The following DNAJC11 variants were observed in gnomAD, a reference collection of about 807,000 sequenced individuals.
The protein encoded by DNAJC11 is DnaJ heat shock protein family (Hsp40) member C11.
In DNAJC11, 15 loss-of-function variants were observed where a neutral mutation model predicts 78.6. The observed-to-expected ratio is 0.19, with a 90% CI of 0.13 to 0.29. DNAJC11 has a LOEUF of 0.29. Among genes scored for constraint, DNAJC11 ranks in the 10% least tolerant of loss-of-function variants. The pLI is 1.00. For synonymous variants in DNAJC11, 292 were observed against 272.1 expected (o/e 1.07, Z -0.72); for missense variants, 547 against 709.6 (o/e 0.77, Z 2.60).
intron 1 of DNAJC11, among the ~76,000 whole-genome samples, chr1:6,694,499 T>A (rs1642801023): frequency 6.6e-6 from 1 of 152,098 alleles, no homozygotes; most frequent in Non-Finnish European, 1.5e-5. Context: ...CAGCAGGACA[T>A]CGTGCCCCTT....
chr1:6,638,340 G>A lies in DNAJC11; in HGVS notation c.1278C>T (p.Ser426=), dbSNP rs200987537. Residue 426 remains serine (S), a synonymous_variant, in exon 12 of 16, where the codon AGC becomes AGT. Transcript: ENST00000377577. ...KEKELEKQRE[S]AATDVLQKKQ... The stretch of plus-strand genomic sequence containing the variant: ...TCTTCTGCAGCACATCGGTGGCGGC[G>A]CTTTCCCTCTGCTTCTCCAATTCCC... The A allele has an allele frequency of 5.0e-5, 81 of 1,613,364 alleles. No homozygotes were observed. Among genetic ancestry groups the A allele is most frequent in the Admixed American group, 1.2e-4 (7 of 59,982 alleles).
In DNAJC11 at chr1:6,681,030, G is replaced by A; in HGVS notation, c.80C>T (p.Ser27Phe). 3 of 1,608,876 alleles carry A rather than the reference G, an allele frequency of 1.9e-6. No homozygotes were observed. The highest frequency in any genetic ancestry group is 2.5e-6 in the Non-Finnish European group (3 of 1,177,556). Residue 27 changes from serine to phenylalanine, a missense_variant, in exon 2 of 16, where the codon TCT (serine) becomes TTT (phenylalanine). Physicochemically the swap from Ser to Phe is radical, Grantham distance 155 (BLOSUM62 -2). Transcript: ENST00000377577. ...CCGGTAGGCAGCTTTCAGCTCTTCA[G>A]AAGAGGCCTAAAGAAAGAAAAATTC... ...SLLNVRREAS[S>F]EELKAAYRRL... is the part of the protein sequence containing the mutation.
intron 10 of DNAJC11, 75 bp downstream of exon 10, chr1:6,644,483 C>G (rs1641936008): frequency 9.1e-7 from 1 of 1,098,632 alleles, no homozygotes; most frequent in Admixed American, 1.7e-5. Context: ...GCTATTTCAG[C>G]CTTAACTTGG....
chr1:6,697,258 T>C (rs1031705139), intron 1 of DNAJC11, among the ~76,000 whole-genome samples: 1 of 152,184 alleles, frequency 6.6e-6, no homozygotes. Context: ...TCATGTGTCT[T>C]GTCATAGGAG....
chr1:6,667,956 G>C (rs1047045062), intron 3 of DNAJC11, 146 bp from the exon 4 acceptor site: 3 of 725,434 alleles, frequency 4.1e-6, no homozygotes, highest in Non-Finnish European at 7.2e-6. Flanking sequence ...CCCAAACCAT[G>C]AGTTCCACCA....
chr1:6,654,749 C>G (rs1218541033), intron 4 of DNAJC11, among the ~76,000 whole-genome samples: 2 of 151,554 alleles, frequency 1.3e-5, no homozygotes, highest in Non-Finnish European at 2.9e-5. Context: ...CTTTTTGCAG[C>G]CCATTGAAAC....
chr1:6,700,727 A>G (rs1352615408), intron 1 of DNAJC11, among the ~76,000 whole-genome samples: 1 of 152,234 alleles, frequency 6.6e-6, no homozygotes, highest in Admixed American at 6.5e-5. Flanking sequence ...TTAACATCAC[A>G]TAGACTAATA....
chr1:6,699,026 C>T (rs1383089051), intron 1 of DNAJC11, among the ~76,000 whole-genome samples: 2 of 150,938 alleles, frequency 1.3e-5, no homozygotes, highest in South Asian at 2.1e-4. Context: ...ACAGGCCTGG[C>T]CAGGCATGGT....
At chr1:6,683,068 T>C (rs1642579403) in intron 1 of DNAJC11, among the ~76,000 whole-genome samples, 1 of 152,130 alleles carries the variant, frequency 6.6e-6, no homozygotes, top group Non-Finnish European at 1.5e-5. Context: ...CAGAATAGGG[T>C]CAAGGATCTT....
intron 1 of DNAJC11, among the ~76,000 whole-genome samples, chr1:6,695,313 T>TA (rs1276822647): frequency 6.6e-6 from 1 of 151,994 alleles, no homozygotes; most frequent in Non-Finnish European, 1.5e-5. Context: ...TGTCTTTTTT[T>TA]AAAGTAAGCA....
In DNAJC11 at chr1:6,661,689, C is replaced by G. The variant is rs571918466; in HGVS notation, c.378+6020G>C. On this transcript the variant is annotated intron_variant, in intron 4 of 15. Coordinates refer to ENST00000377577, the MANE Select transcript of DNAJC11 (RefSeq NM_018198.4). Reference sequence around the variant, plus strand: ...AATTGCCCCTTCCTGCCACTACGCACAACAAACATATGGCTTAAACAACCC... The same window carrying G: ...AATTGCCCCTTCCTGCCACTACGCAGAACAAACATATGGCTTAAACAACCC... Among the ~76,000 whole-genome samples, 4 of 152,292 alleles carry G rather than the reference C, an allele frequency of 2.6e-5. No individual in the cohort carries two copies. In the East Asian group the frequency reaches 7.7e-4, roughly 29 times the overall value.
chr1:6,634,228 A>G lies in DNAJC11; in HGVS notation c.*1447T>C. Reference sequence around the variant, plus strand: ...TTCTGTACAGTCGACTGCAAATGAAACGCAGAGGATGGGTGCCCAGAAGCA... The same window carrying G: ...TTCTGTACAGTCGACTGCAAATGAAGCGCAGAGGATGGGTGCCCAGAAGCA... On this transcript the variant is annotated 3_prime_UTR_variant, in exon 16 of 16. Coordinates refer to ENST00000377577, the MANE Select transcript of DNAJC11 (RefSeq NM_018198.4). 1 of 924,904 alleles carries G rather than the reference A, an allele frequency of 1.1e-6. No homozygotes were observed. Among genetic ancestry groups the G allele is most frequent in the East Asian group, 2.6e-5 (1 of 38,306 alleles). 57.3% of individuals were successfully genotyped at this position (924,904 alleles called of 1,614,324 possible).
chr1:6,664,958 C>A (rs994238548), intron 4 of DNAJC11, among the ~76,000 whole-genome samples: 15 of 152,184 alleles, frequency 9.9e-5, no homozygotes, highest in African/African-American at 3.6e-4. Flanking sequence ...AAATATGCAC[C>A]CGCGTTTCAG....
At chr1:6,637,655 C>T in intron 12 of DNAJC11, 151 bp from the exon 13 acceptor site, 2 of 809,362 alleles carry the variant, frequency 2.5e-6, no homozygotes, top group Non-Finnish European at 4.0e-6. Flanking sequence ...GCTCTGCTAC[C>T]CGAGTGGCTC....
intron 3 of DNAJC11, chr1:6,668,306 T>A (rs1223418057): frequency 2.0e-5 from 3 of 153,244 alleles, no homozygotes; most frequent in Non-Finnish European, 4.4e-5. Flanking sequence ...CTGGCTAATT[T>A]TTTTTTGTAT....
At chr1:6,655,853 C>T (rs1642118113) in intron 4 of DNAJC11, among the ~76,000 whole-genome samples, 2 of 151,816 alleles carry the variant, frequency 1.3e-5, no homozygotes, top group Non-Finnish European at 2.9e-5. Context: ...CCTGTAATCC[C>T]AGCACTTTGG....
chr1:6,699,222 G>A (rs867670407), intron 1 of DNAJC11, among the ~76,000 whole-genome samples: 10 of 152,020 alleles, frequency 6.6e-5, no homozygotes, highest in South Asian at 2.1e-4. Flanking sequence ...ACCTGAGCCC[G>A]GGGAAGTCAA....
intron 1 of DNAJC11, among the ~76,000 whole-genome samples, chr1:6,698,557 T>C (rs571955068): frequency 3.9e-5 from 6 of 152,072 alleles, no homozygotes; most frequent in Admixed American, 2.0e-4. Flanking sequence ...AGGGAGCATG[T>C]TTCATATGGA....
chr1:6,654,289 T>G (rs1238029096), intron 4 of DNAJC11: 4 of 349,796 alleles, frequency 1.1e-5, no homozygotes, highest in African/African-American at 8.4e-5. Flanking sequence ...TCCGCATGTC[T>G]GCAGAGCAAT....
Sources: allele counts gnomAD v4.1 joint callset (sites outside exome capture counted in the v4.1 genomes callset), GRCh38; gene constraint gnomAD v4.1.1; transcripts MANE v1.5; gene names NCBI Gene and HGNC (gene_info 2026-07-23, HGNC 2026-07-21).